Variants in TMEM235 observed in about 807,000 individuals in gnomAD.
The protein encoded by TMEM235 is transmembrane protein 235.
In TMEM235, 23 loss-of-function variants were observed where a neutral mutation model predicts 22.9. The ratio of observed to expected loss-of-function variants is 1.00; its 90% CI spans 0.72 to 1.42. The LOEUF is 1.42. Ranked by LOEUF, TMEM235 falls within the 40% of genes most tolerant of loss-of-function variation. TMEM235 has a pLI of 0.00. For missense variants in TMEM235, 308 were observed against 299.5 expected, an observed-to-expected ratio of 1.03 and a Z score of -0.21; for synonymous variants, 137 against 140.5, an observed-to-expected ratio of 0.98 and a Z score of 0.17.
At chr17:78,232,279 C>T (rs1446538974) in intron 2 of TMEM235, 66 bp downstream of exon 1, 1 of 1,348,072 alleles carries the variant, frequency 7.4e-7, no homozygotes. Context: ...CCCTTAACCC[C>T]GCCCTGCTCG....
rs1035094969 is a variant in TMEM235 at position 78,237,972 on chromosome 17, G to C, written c.410-1052G>C. Among the ~76,000 whole-genome samples, 6 of 152,230 alleles carry C rather than the reference G, an allele frequency of 3.9e-5. No homozygotes were observed. The highest frequency in any genetic ancestry group is 1.4e-4 in the African/African-American group (6 of 41,458). On this transcript the variant is annotated intron_variant, in intron 4 of 5. Transcript: ENST00000421688. The surrounding 1 kb of genome is among the most constrained non-coding windows in gnomAD (Gnocchi z 4.7). ...GTGAGATCCAGACCTGGCCCTGAAT[G>C]TCAGCTTGGGTCAGTTGCCTTCTTT...
In TMEM235 at chr17:78,238,517, T is replaced by C. The variant is rs1373095224; in HGVS notation, c.410-507T>C. ...CAGGGACTCACTCTGATCAGAGCAC[T>C]GGGCAACGCTGCTGCCAGCAGAGGC... On this transcript the variant is annotated intron_variant, in intron 4 of 5. Coordinates refer to ENST00000421688, the Ensembl canonical transcript of TMEM235. The surrounding 1 kb of genome is among the most constrained non-coding windows in gnomAD (Gnocchi z 4.3). 6.6e-6 allele frequency among the ~76,000 whole-genome samples: 1 copy of C among 150,932 alleles called. No homozygotes were observed. The highest frequency in any genetic ancestry group is 2.4e-5 in the African/African-American group (1 of 40,974).
rs967991225 is a variant in TMEM235, at chr17:78,237,792, C to T, written c.410-1232C>T. 4.6e-5 allele frequency among the ~76,000 whole-genome samples: 7 copies of T among 152,310 alleles called. No homozygotes were observed. The highest frequency in any genetic ancestry group is 1.3e-4 in the Admixed American group (2 of 15,308). On this transcript the variant is annotated intron_variant, in intron 4 of 5. Coordinates refer to ENST00000421688, the Ensembl canonical transcript of TMEM235. This position sits in a 1 kb window ranked among gnomAD's most constrained non-coding sequence, Gnocchi z 4.7. ...AATAAATCCATAATTTCTGTTGCTA[C>T]GCTGCCCAGCCGGGCAGGCATCCGT...
At chr17:78,234,568 C>G in intron 3 of TMEM235, 25 bp from the exon 3 acceptor site, 1 of 1,535,070 alleles carries the variant, frequency 6.5e-7, no homozygotes, top group South Asian at 1.2e-5. Context: ...GACCAGAATT[C>G]TCACCTGAGC....
At chr17:78,232,121 T>A in exon 2 of TMEM235, 6 of 1,489,918 alleles carry the variant, frequency 4.0e-6, no homozygotes, top group Non-Finnish European at 5.3e-6. Flanking sequence ...TACTGGTACA[T>A]CCTGGAGGTG....
At chr17:78,235,362 A>C (rs2076630983) in intron 4 of TMEM235, among the ~76,000 whole-genome samples, 1 of 151,160 alleles carries the variant, frequency 6.6e-6, no homozygotes. Context: ...ATCTCGACTC[A>C]CTGCAACCTC....
intron 2 of TMEM235, among the ~76,000 whole-genome samples, chr17:78,233,498 G>C (rs1393885294): frequency 6.6e-6 from 1 of 152,134 alleles, no homozygotes; most frequent in Non-Finnish European, 1.5e-5. Flanking sequence ...ACGAGGTCAG[G>C]AGATCGAGAC....
chr17:78,238,550 CTGTGTG>C lies in TMEM235; in HGVS notation c.410-443_410-438del, dbSNP rs55893266. Among the ~76,000 whole-genome samples, 14,159 of 138,204 alleles carry C rather than the reference CTGTGTG, an allele frequency of 0.1. 973 individuals are homozygous for C. The highest frequency in any genetic ancestry group is 0.39 in the East Asian group (1,810 of 4,590). The allele number at this position is 138,204 out of a possible 152,430, so 90.7% of individuals were successfully genotyped here. ...GCTGCTGCCAGCAGAGGCCATGGCT[CTGTGTG>C]TGTGTGTGTGTGTGTGTGTGTGTGT... On this transcript the variant is annotated intron_variant, in intron 4 of 5. Transcript: ENST00000421688. This position sits in a 1 kb window ranked among gnomAD's most constrained non-coding sequence, Gnocchi z 4.3.
intron 3 of TMEM235, chr17:78,234,303 T>C (rs757181993): frequency 5.8e-5 from 40 of 691,576 alleles, no homozygotes; most frequent in Non-Finnish European, 1.0e-4. Context: ...ACTCGATTCT[T>C]CCAGATGGCC....
intron 4 of TMEM235, among the ~76,000 whole-genome samples, chr17:78,234,932 A>C (rs1410322184): frequency 1.3e-5 from 2 of 152,214 alleles, no homozygotes; most frequent in African/African-American, 2.4e-5. Context: ...TGCTATAAAG[A>C]AATGCCTGAG....
At chr17:78,231,823 C>T in exon 2 of TMEM235, 1 of 1,202,772 alleles carries the variant, frequency 8.3e-7, no homozygotes, top group Non-Finnish European at 1.1e-6. Context: ...GCTCAGCGAC[C>T]GCAGAGAGGT....
chr17:78,232,917 G>GTATGTAGTTGTGTGTGAA (rs2076599938), intron 2 of TMEM235, among the ~76,000 whole-genome samples: 2 of 152,166 alleles, frequency 1.3e-5, no homozygotes, highest in Non-Finnish European at 2.9e-5. Context: ...GTGAGTGTGA[G>GTATGTAGTTGTGTGTGAA]TGTATGTAGT....
chr17:78,233,047 T>A (rs1029446707), intron 2 of TMEM235, among the ~76,000 whole-genome samples: 1 of 152,200 alleles, frequency 6.6e-6, no homozygotes, highest in African/African-American at 2.4e-5. Flanking sequence ...TGCTGGTGGC[T>A]TCCTCAGTGC....
exon 2 of TMEM235, chr17:78,232,158 G>C (rs1180138698): frequency 6.7e-7 from 1 of 1,487,818 alleles, no homozygotes; most frequent in South Asian, 1.3e-5. Flanking sequence ...GCAGCGCCTG[G>C]CCCGGGCGCG....
rs530510728 is a variant in TMEM235, at chr17:78,239,632, C to G, written c.660-148C>G. On this transcript the variant is annotated intron_variant, in intron 5 of 5. Transcript: ENST00000421688. ...GGTGTGGCCTGAACTCGCCCCTCCC[C>G]CAGCAGGCTAGTGAGTCACTGCTGC... 2.2e-4 allele frequency: 311 copies of G among 1,410,866 alleles called. No individual in the cohort carries two copies. The African/African-American group carries it at 4.0e-3, about 18-fold the overall frequency. The allele number at this position is 1,410,866 out of a possible 1,614,324, so 87.4% of individuals were successfully genotyped here. A position where few individuals can be genotyped will look rare whatever the true frequency, so the allele number is the denominator to read the frequency against.
chr17:78,238,150 C>T lies in TMEM235; in HGVS notation c.410-874C>T, dbSNP rs1241583186. Among the ~76,000 whole-genome samples the T allele has an allele frequency of 3.9e-5, 6 of 152,194 alleles. No homozygotes were observed. The highest frequency in any genetic ancestry group is 7.4e-5 in the Non-Finnish European group (5 of 68,008). On this transcript the variant is annotated intron_variant, in intron 4 of 5. Transcript: ENST00000421688. The surrounding 1 kb of genome is among the most constrained non-coding windows in gnomAD (Gnocchi z 4.3). ...AAGCTGTGGGAAGGGGGTGGCACTC[C>T]GGGCTGGTTCCTCCAAGCTCAGTGG... is the stretch of plus-strand genomic sequence containing the variant.
chr17:78,233,185 G>A (rs564934628), intron 2 of TMEM235, among the ~76,000 whole-genome samples: 14 of 152,356 alleles, frequency 9.2e-5, no homozygotes, highest in South Asian at 6.2e-4. Flanking sequence ...CTCTGCACGC[G>A]TGTGAGAACC....
At chr17:78,231,442 G>A (rs953394111) in exon 2 of TMEM235, 5 of 1,298,868 alleles carry the variant, frequency 3.8e-6, no homozygotes, top group Middle Eastern at 2.1e-4. Flanking sequence ...CCCCCCGCCC[G>A]GCTGTGGGGC....
chr17:78,236,383 C>CCCAG (rs1465618280), intron 4 of TMEM235, among the ~76,000 whole-genome samples: 1 of 152,240 alleles, frequency 6.6e-6, no homozygotes, highest in East Asian at 1.9e-4. Context: ...CAGCTCTGAC[C>CCCAG]CCAGCACAGG....
Sources: allele counts gnomAD v4.1 joint callset (sites outside exome capture counted in the v4.1 genomes callset), GRCh38; gene constraint gnomAD v4.1.1; non-coding constraint Gnocchi (gnomAD v3.1); transcripts MANE v1.5; gene names NCBI Gene and HGNC (gene_info 2026-07-23, HGNC 2026-07-21).